Variants in INCA1 observed in about 807,000 individuals in gnomAD.
INCA1 encodes inhibitor of CDK, cyclin A1 interacting protein 1, also known as protein INCA1.
In INCA1, 28 loss-of-function variants were observed where a neutral mutation model predicts 25.7. That is an observed-to-expected ratio of 1.09 (90% CI 0.81 to 1.49). The LOEUF is 1.49. Among genes scored for constraint, INCA1 ranks in the 40% most tolerant of loss-of-function variants. INCA1 has a pLI of 0.00. For missense variants in INCA1, 309 were observed against 290.9 expected, an observed-to-expected ratio of 1.06 and a Z score of -0.45; for synonymous variants, 111 against 103.6, an observed-to-expected ratio of 1.07 and a Z score of -0.43.
At chr17:4,996,390 A>G (rs1413129164) in intron 1 of INCA1, among the ~76,000 whole-genome samples, 1 of 147,114 alleles carries the variant, frequency 6.8e-6, no homozygotes, top group Admixed American at 6.8e-5. Flanking sequence ...TCTAAGAAGA[A>G]AAAAAAAAAA....
chr17:4,996,213 CCT>C (rs1974247764), intron 1 of INCA1, among the ~76,000 whole-genome samples: 1 of 149,290 alleles, frequency 6.7e-6, no homozygotes, highest in Non-Finnish European at 1.5e-5. Context: ...GGCGAAACCC[CCT>C]CTTTACCAAA....
intron 2 of INCA1, among the ~76,000 whole-genome samples, chr17:4,992,243 T>G (rs1359983044): frequency 1.3e-5 from 2 of 152,230 alleles, no homozygotes; most frequent in Non-Finnish European, 2.9e-5. Context: ...CATGTCACTC[T>G]CTGCCTTAAA....
chr17:4,994,285 G>T (rs2143237513), intron 2 of INCA1, 109 bp downstream of exon 2: 1 of 944,242 alleles, frequency 1.1e-6, no homozygotes, highest in South Asian at 1.3e-5. Context: ...CCTGAGACCA[G>T]GCATTGCATT....
intron 2 of INCA1, among the ~76,000 whole-genome samples, chr17:4,990,983 A>G (rs1303741055): frequency 6.7e-6 from 1 of 149,708 alleles, no homozygotes; most frequent in East Asian, 2.0e-4. Flanking sequence ...CAATGGCACG[A>G]TCTCGGCTCA....
At chr17:4,989,688 T>C in intron 4 of INCA1, 64 bp from the exon 5 acceptor site, 4 of 1,589,836 alleles carry the variant, frequency 2.5e-6, no homozygotes, top group East Asian at 4.5e-5. Flanking sequence ...GGAGCTTGGA[T>C]TGAACTAGGT....
chr17:4,990,030 T>G (rs1973749161), intron 3 of INCA1, 101 bp from the exon 4 acceptor site: 1 of 1,612,282 alleles, frequency 6.2e-7, no homozygotes, highest in Non-Finnish European at 8.5e-7. Context: ...CATTAGGAGC[T>G]ACAATGTCCA....
intron 1 of INCA1, chr17:4,995,756 C>G (rs2143257094): frequency 6.6e-6 from 1 of 152,058 alleles, no homozygotes; most frequent in East Asian, 1.9e-4. Context: ...ATGGAGAAAC[C>G]CTGTCTCTAC....
chr17:4,991,214 G>A (rs183987849), intron 2 of INCA1, among the ~76,000 whole-genome samples: 18 of 152,178 alleles, frequency 1.2e-4, no homozygotes, highest in Admixed American at 1.0e-3. Context: ...CATTGTGCCC[G>A]GCCTAATCTC....
intron 2 of INCA1, among the ~76,000 whole-genome samples, chr17:4,991,509 A>G (rs1973874008): frequency 6.6e-6 from 1 of 152,192 alleles, no homozygotes; most frequent in South Asian, 2.1e-4. Context: ...GTTTGAGAAC[A>G]CTGCTCGTCA....
At chr17:4,990,078 T>A (rs898002851) in intron 3 of INCA1, 74 bp downstream of exon 3, 16 of 1,610,528 alleles carry the variant, frequency 9.9e-6, no homozygotes, top group Non-Finnish European at 1.4e-5. Flanking sequence ...TAGGGCCTAT[T>A]GCTATATGGG....
intron 5 of INCA1, 75 bp downstream of exon 5, chr17:4,989,353 C>T: frequency 7.1e-7 from 1 of 1,412,856 alleles, no homozygotes; most frequent in South Asian, 1.3e-5. Flanking sequence ...AAGCTGTCAA[C>T]CCCTTCCTTA....
rs1331609989 is a variant in INCA1 at position 4,989,527 on chromosome 17, TC to T, written c.295del (p.Glu99LysfsTer15). ...CCCAAGGCCCTGCTGCTGCATTCCT[TC>T]CAAACATGGCCTCCTCTTCTTTCTT... On this transcript the variant is annotated frameshift_variant, in exon 5 of 7. Coordinates refer to ENST00000576820, the Ensembl canonical transcript of INCA1. LOFTEE classifies it high-confidence loss of function. 6.2e-7 allele frequency: 1 copy of T among 1,614,174 alleles called. No homozygotes were observed. Among genetic ancestry groups the T allele is most frequent in the Non-Finnish European group, 8.5e-7 (1 of 1,180,036 alleles).
chr17:4,995,135 T>G (rs1270799264), intron 1 of INCA1, among the ~76,000 whole-genome samples: 2 of 148,794 alleles, frequency 1.3e-5, no homozygotes, highest in Non-Finnish European at 3.0e-5. Context: ...AACCAGGGAG[T>G]AGGAAGTTGC....
intron 1 of INCA1, among the ~76,000 whole-genome samples, chr17:4,996,511 G>C (rs1974277363): frequency 6.6e-6 from 1 of 151,500 alleles, no homozygotes; most frequent in Non-Finnish European, 1.5e-5. Flanking sequence ...GCGAAACCCA[G>C]TCTCTACTAA....
Position 4,989,889 on chromosome 17 carries a change from C to A in INCA1, c.198+1G>T, listed in dbSNP as rs762980657. ...GTTAAACGGCAGAGGGTCTGTCTTA[C>A]CAGCATGGGTGGAATGTGCTGCTCC... On this transcript the variant is annotated splice_donor_variant, in intron 4 of 6. Transcript: ENST00000576820. LOFTEE classifies it high-confidence loss of function. 1.6e-5 allele frequency: 26 copies of A among 1,614,050 alleles called. No homozygotes were observed. In the Admixed American group the frequency reaches 4.0e-4, roughly 25 times the overall value.
At chr17:4,990,398 A>C (rs1973792754) in intron 2 of INCA1, 133 bp from the exon 3 acceptor site, 5 of 981,188 alleles carry the variant, frequency 5.1e-6, no homozygotes, top group Non-Finnish European at 7.3e-6. Flanking sequence ...TCCTCTCTTA[A>C]CCACTTTAGC....
chr17:4,993,690 G>C (rs1417708059), intron 2 of INCA1, among the ~76,000 whole-genome samples: 2 of 150,188 alleles, frequency 1.3e-5, no homozygotes, highest in Non-Finnish European at 3.0e-5. Flanking sequence ...GGATGGTCTT[G>C]ATCTCCTGAC....
chr17:4,990,315 T>C, intron 2 of INCA1, 50 bp from the exon 3 acceptor site: 3 of 1,564,168 alleles, frequency 1.9e-6, no homozygotes, highest in Non-Finnish European at 2.6e-6. Context: ...CTTACAGCAG[T>C]CTACTCATCC....
exon 3 of INCA1, chr17:4,990,168 G>T (rs1973767576): frequency 6.2e-7 from 1 of 1,614,176 alleles, no homozygotes; most frequent in African/African-American, 1.3e-5. Context: ...CTTTGATTAA[G>T]GTTCTTCCAG....
Sources: allele counts gnomAD v4.1 joint callset (sites outside exome capture counted in the v4.1 genomes callset), GRCh38; gene constraint gnomAD v4.1.1; transcripts MANE v1.5; gene names NCBI Gene and HGNC (gene_info 2026-07-23, HGNC 2026-07-21).